Variants in PTPRD observed in about 807,000 individuals in gnomAD.
PTPRD encodes the protein protein tyrosine phosphatase receptor type D, also known as receptor-type tyrosine-protein phosphatase delta.
PTPRD carries 34 observed loss-of-function variants against 214.5 expected under a neutral mutation model. The ratio of observed to expected loss-of-function variants is 0.16; its 90% CI spans 0.12 to 0.21. PTPRD has a LOEUF of 0.21. Among genes scored for constraint, PTPRD ranks in the 10% least tolerant of loss-of-function variants. The pLI is 1.00. For missense variants in PTPRD, 2,545 were observed against 2,398.7 expected (o/e 1.06, Z -1.27); for synonymous variants, 1,128 against 845.7 (o/e 1.33, Z -5.79).
chr9:9,979,460 C>T (rs1198900172), intron 4 of PTPRD, among the ~76,000 whole-genome samples: 1 of 151,612 alleles, frequency 6.6e-6, no homozygotes, highest in Non-Finnish European at 1.5e-5. Flanking sequence ...GAGAGGGAGA[C>T]ATTTCAATAA....
At chr9:9,039,981 AT>A (rs3046926) in intron 10 of PTPRD, among the ~76,000 whole-genome samples, 42,979 of 149,278 alleles carry the variant, frequency 0.29, 6,648 homozygotes, top group Non-Finnish European at 0.34. Flanking sequence ...CTTCCTGTGC[AT>A]TTTTTTTTTT....
chr9:10,357,933 A>G (rs2097307793), intron 2 of PTPRD, among the ~76,000 whole-genome samples: 1 of 152,166 alleles, frequency 6.6e-6, no homozygotes, highest in African/African-American at 2.4e-5. Flanking sequence ...CTAAAGAAAT[A>G]TTCCAAGCTA....
chr9:9,068,218 G>A (rs535599107), intron 10 of PTPRD, among the ~76,000 whole-genome samples: 1 of 152,132 alleles, frequency 6.6e-6, no homozygotes, highest in African/African-American at 2.4e-5. Flanking sequence ...CCATGAAATG[G>A]TGTATCACAG....
chr9:9,185,897 A>C (rs2099931129), intron 9 of PTPRD, among the ~76,000 whole-genome samples: 1 of 149,430 alleles, frequency 6.7e-6, no homozygotes. Flanking sequence ...CTCTCAGACC[A>C]CCACACAAGT....
At position 9,375,841 on chromosome 9, in the gene PTPRD, T is replaced by A. The variant is rs544989442; in HGVS notation, c.-203+21608A>T. Among the ~76,000 whole-genome samples the A allele has an allele frequency of 4.6e-5, 7 of 152,184 alleles. No homozygotes were observed. The East Asian group carries it at 1.4e-3, about 30-fold the overall frequency. ...GATATGAAAAGTCAGTTTGCGATGA[T>A]GAAAAAGTCCAGGAATGGATAATGA... On this transcript the variant is annotated intron_variant, in intron 9 of 45. Coordinates refer to ENST00000381196, the MANE Select transcript of PTPRD (RefSeq NM_002839.4).
intron 8 of PTPRD, among the ~76,000 whole-genome samples, chr9:9,463,929 T>C (rs1272349290): frequency 1.3e-5 from 2 of 152,174 alleles, no homozygotes; most frequent in East Asian, 3.9e-4. Context: ...ATTTGGACAG[T>C]GAGACACCAG....
intron 11 of PTPRD, among the ~76,000 whole-genome samples, chr9:9,007,360 G>A (rs1481991418): frequency 6.6e-6 from 1 of 150,440 alleles, no homozygotes; most frequent in African/African-American, 2.5e-5. Context: ...AACAAGGAGG[G>A]TGTAGTCTCC....
chr9:8,947,536 G>C (rs913164670), intron 11 of PTPRD, among the ~76,000 whole-genome samples: 2 of 151,244 alleles, frequency 1.3e-5, no homozygotes, highest in Non-Finnish European at 2.9e-5. Context: ...TTTAGCCTTA[G>C]AAAAAGTAAC....
chr9:8,814,852 G>A (rs2096888042), intron 11 of PTPRD, among the ~76,000 whole-genome samples: 1 of 152,098 alleles, frequency 6.6e-6, no homozygotes, highest in African/African-American at 2.4e-5. Flanking sequence ...TAATAAGAGG[G>A]GAGTACTTCC....
intron 4 of PTPRD, among the ~76,000 whole-genome samples, chr9:9,979,397 G>GA (rs1255006422): frequency 6.6e-6 from 1 of 151,822 alleles, no homozygotes; most frequent in Non-Finnish European, 1.5e-5. Flanking sequence ...GTATCTTCTG[G>GA]AAAAATATAC....
At chr9:9,931,758 T>G (rs1379485015) in intron 5 of PTPRD, among the ~76,000 whole-genome samples, 3 of 151,738 alleles carry the variant, frequency 2.0e-5, no homozygotes, top group African/African-American at 7.2e-5. Context: ...CTCTGTAGGC[T>G]CCACCTCTGG....
At chr9:9,542,028 C>T (rs2077697631) in intron 8 of PTPRD, among the ~76,000 whole-genome samples, 2 of 151,524 alleles carry the variant, frequency 1.3e-5, no homozygotes, top group African/African-American at 2.4e-5. Context: ...AAAGAGACAA[C>T]ACAGTAGAGA....
At chr9:9,342,913 T>C (rs181406025) in intron 9 of PTPRD, among the ~76,000 whole-genome samples, 5 of 152,072 alleles carry the variant, frequency 3.3e-5, no homozygotes, top group African/African-American at 1.2e-4. Flanking sequence ...TCCCTGTATG[T>C]GATGTTCCCT....
At chr9:9,370,092 G>A (rs897819501) in intron 9 of PTPRD, among the ~76,000 whole-genome samples, 8 of 152,086 alleles carry the variant, frequency 5.3e-5, no homozygotes, top group Middle Eastern at 3.4e-3. Flanking sequence ...TTGGCGATGC[G>A]GGCTCTTTTT....
At chr9:10,202,713 G>A (rs1217961359) in intron 3 of PTPRD, among the ~76,000 whole-genome samples, 1 of 113,548 alleles carries the variant, frequency 8.8e-6, no homozygotes, top group Non-Finnish European at 1.8e-5. Context: ...CCAGTGAATA[G>A]TTAATATGTG....
chr9:8,458,748 G>C (rs966432960), intron 33 of PTPRD, among the ~76,000 whole-genome samples: 1 of 151,888 alleles, frequency 6.6e-6, no homozygotes, highest in African/African-American at 2.4e-5. Context: ...AAATACAATG[G>C]GTTCCTTAAG....
chr9:9,305,944 T>G (rs73390838), intron 9 of PTPRD, among the ~76,000 whole-genome samples: 2,467 of 152,242 alleles, frequency 0.016, 63 homozygotes, highest in African/African-American at 0.057. Flanking sequence ...ATTTTGATCT[T>G]TTAGCCTTCA....
chr9:9,662,120 G>C (rs1243181856), intron 7 of PTPRD, among the ~76,000 whole-genome samples: 1 of 151,638 alleles, frequency 6.6e-6, no homozygotes, highest in African/African-American at 2.4e-5. Context: ...CTCATTGAGA[G>C]TAAAGAACTG....
intron 10 of PTPRD, among the ~76,000 whole-genome samples, chr9:9,053,425 C>A (rs1039387437): frequency 6.6e-6 from 1 of 152,024 alleles, no homozygotes; most frequent in Non-Finnish European, 1.5e-5. Flanking sequence ...TTGATGATGT[C>A]TGCTCTATAC....
Sources: allele counts gnomAD v4.1 joint callset (sites outside exome capture counted in the v4.1 genomes callset), GRCh38; gene constraint gnomAD v4.1.1; transcripts MANE v1.5; gene names NCBI Gene and HGNC (gene_info 2026-07-23, HGNC 2026-07-21).